Variants in PER3 observed in about 807,000 individuals in gnomAD.
PER3 encodes period circadian protein homolog 3.
PER3 carries 107 observed loss-of-function variants against 127.2 expected under a neutral mutation model. The observed-to-expected ratio is 0.84, with a 90% CI of 0.72 to 0.99. PER3 has a LOEUF of 0.99. Ranked by LOEUF, PER3 falls within the 50% of genes least tolerant of loss-of-function variation. The probability of loss-of-function intolerance (pLI) is 0.00; values close to 1 mark genes in which losing one functional copy is unlikely to be tolerated. For synonymous variants in PER3, 618 were observed against 585.8 expected (o/e 1.05, Z -0.79); for missense variants, 1,560 against 1,525.8 (o/e 1.02, Z -0.37).
At position 7,842,703 on chromosome 1, in the gene PER3, C is replaced by T. The variant is rs1251112250; in HGVS notation, c.3581C>T (p.Ala1194Val). ...GTCACTTGTGAAAATGAAGATTCAGCTGATGGTGCGGCCACATCCTGTGGT... is the reference window on the plus strand; with the variant it reads ...GTCACTTGTGAAAATGAAGATTCAGTTGATGGTGCGGCCACATCCTGTGGT... The part of the protein sequence containing the change: ...ACVTCENEDS[A>V]DGAATSCGQV... Residue 1194 changes from alanine to valine, a missense_variant, in exon 22 of 22, where the codon GCT (alanine) becomes GTT (valine). By Grantham distance (64) the Ala-to-Val change is moderately conservative. Transcript: ENST00000377532. The T allele has an allele frequency of 5.6e-6, 9 of 1,613,322 alleles. No individual in the cohort carries two copies. Among genetic ancestry groups the T allele is most frequent in the Non-Finnish European group, 5.9e-6 (7 of 1,179,528 alleles).
At chr1:7,796,305 T>G (rs1273829168) in intron 6 of PER3, among the ~76,000 whole-genome samples, 1 of 141,402 alleles carries the variant, frequency 7.1e-6, no homozygotes, top group Non-Finnish European at 1.5e-5. Context: ...GTAGGAAACG[T>G]TCATTTCAGT....
chr1:7,819,059 C>G (rs145475977), intron 13 of PER3, among the ~76,000 whole-genome samples: 375 of 152,302 alleles, frequency 2.5e-3, no homozygotes, highest in African/African-American at 8.7e-3. Context: ...TAAATACAAT[C>G]GTAGCCATTC....
intron 13 of PER3, among the ~76,000 whole-genome samples, chr1:7,815,741 T>C (rs2097245606): frequency 1.3e-5 from 2 of 151,826 alleles, no homozygotes; most frequent in South Asian, 4.1e-4. Context: ...ATCCCAGCAC[T>C]TTAGGGGGCC....
At chr1:7,832,903 A>T (rs146349401) in intron 19 of PER3, among the ~76,000 whole-genome samples, 5 of 148,612 alleles carry the variant, frequency 3.4e-5, no homozygotes, top group African/African-American at 1.0e-4. Context: ...CAGTGGCATG[A>T]TCCCAGCTCA....
In PER3 at chr1:7,807,256, T is replaced by C. The variant is rs537561609; in HGVS notation, c.1137-1637T>C. Among the ~76,000 whole-genome samples, 173 of 152,260 alleles carry C rather than the reference T, an allele frequency of 1.1e-3. 1 individual carries two copies. The highest frequency in any genetic ancestry group is 4.0e-3 in the African/African-American group (165 of 41,556). ...TCAGGTACTGCTTGCCACAGACATA[T>C]GGTGTACCTGACGCCATGCAGATAG... On this transcript the variant is annotated intron_variant, in intron 10 of 21. Transcript: ENST00000377532.
Position 7,784,723 on chromosome 1 carries a change from A to T in PER3, c.-155A>T, listed in dbSNP as rs971436344. 1 of 688,018 alleles carries T rather than the reference A, an allele frequency of 1.5e-6. No individual in the cohort carries two copies. The highest frequency in any genetic ancestry group is 1.9e-5 in the African/African-American group (1 of 52,980). The allele number at this position is 688,018 out of a possible 1,614,324, so 42.6% of individuals were successfully genotyped here. A position where few individuals can be genotyped will look rare whatever the true frequency, so the allele number is the denominator to read the frequency against. On this transcript the variant is annotated 5_prime_UTR_variant, in exon 2 of 22. An upstream open reading frame in the 5' UTR loses its in-frame stop. Transcript: ENST00000377532. ...TGGAGGGAAAAGCTCCTCGGAGATG[A>T]GCGTGACCCCCTGGCTCGTGGTGGC...
In PER3 at chr1:7,829,933, GC is replaced by G; in HGVS notation, c.2988del (p.Ser997AlafsTer10). 12 of 1,279,300 alleles carry G rather than the reference GC, an allele frequency of 9.4e-6. No individual in the cohort carries two copies. The highest frequency in any genetic ancestry group is 5.9e-5 in the East Asian group (1 of 16,906). 79.2% of individuals were successfully genotyped at this position (1,279,300 alleles called of 1,614,324 possible). On this transcript the variant is annotated frameshift_variant, in exon 19 of 22. Coordinates refer to ENST00000377532, the MANE Select transcript of PER3 (RefSeq NM_001377275.1). LOFTEE classifies it high-confidence loss of function. ...PPRENPSHPT[A>X]SALSTGSPPM... ...CAGGGAGAATCCATCCCATCCTACT[GC>G]CAGCGCTCTGTCCACAGGATCGCCT...
intron 6 of PER3, among the ~76,000 whole-genome samples, chr1:7,794,935 TAAG>T (rs1247992229): frequency 6.6e-6 from 1 of 151,736 alleles, no homozygotes. Flanking sequence ...TCTTTTGTAA[TAAG>T]AACAAATATT....
chr1:7,825,721 G>A (rs1558455856), intron 16 of PER3, among the ~76,000 whole-genome samples: 1 of 152,090 alleles, frequency 6.6e-6, no homozygotes, highest in Non-Finnish European at 1.5e-5. Flanking sequence ...GTGAAACCCT[G>A]TCTCTACTAA....
At chr1:7,816,546 A>G (rs1024806377) in intron 13 of PER3, among the ~76,000 whole-genome samples, 1 of 152,214 alleles carries the variant, frequency 6.6e-6, no homozygotes, top group Non-Finnish European at 1.5e-5. Context: ...TTTTCCAAAG[A>G]AGATACATAA....
Position 7,826,377 on chromosome 1 carries a change from TATA to T in PER3, c.1958-97_1958-95del, listed in dbSNP as rs548820832. On this transcript the variant is annotated intron_variant, in intron 16 of 21. Transcript: ENST00000377532. The surrounding 1 kb of genome is among the most constrained non-coding windows in gnomAD (Gnocchi z 4.2). ...TGAAGATTTTTCGTATTCCAGCAGT[TATA>T]ATAATGTTTGTAAAAATGTATCAAA... 4.8e-4 allele frequency: 328 copies of T among 684,468 alleles called. No homozygotes were observed. The East Asian group carries it at 8.8e-3, about 18-fold the overall frequency. 42.4% of individuals were successfully genotyped at this position (684,468 alleles called of 1,614,324 possible). A position where few individuals can be genotyped will look rare whatever the true frequency, so the allele number is the denominator to read the frequency against.
rs1024961918 is a variant in PER3, at chr1:7,827,670, A to G, written c.2741A>G (p.Lys914Arg). 5.6e-6 allele frequency: 9 copies of G among 1,614,066 alleles called. No individual in the cohort carries two copies. Among genetic ancestry groups the G allele is most frequent in the Non-Finnish European group, 7.6e-6 (9 of 1,180,040 alleles). The part of the protein sequence containing the change: ...SVTSQRREEE[K>R]WEAQSEGHPF... ...ACCAGCCAAAGGAGAGAGGAGGAAA[A>G]GTGGGAGGCACAAAGCGAGGGGCAC... is the stretch of plus-strand genomic sequence containing the variant. Residue 914 changes from lysine (K) to arginine (R), a missense_variant, in exon 18 of 22, where the codon AAG becomes AGG. Transcript: ENST00000377532.
intron 5 of PER3, 121 bp downstream of exon 5, chr1:7,788,367 C>T (rs913870834): frequency 5.7e-6 from 4 of 701,754 alleles, no homozygotes; most frequent in Admixed American, 5.6e-5. Context: ...TTTTCTTATT[C>T]CTGTTATAGA....
intron 6 of PER3, among the ~76,000 whole-genome samples, chr1:7,794,290 C>A (rs529787079): frequency 1.3e-5 from 2 of 152,094 alleles, no homozygotes; most frequent in East Asian, 3.9e-4. Context: ...GTCAAGGGGT[C>A]GAGAACATCC....
rs1251898281 is a variant in PER3, at chr1:7,795,127, C to T, written c.644+1119C>T. On this transcript the variant is annotated intron_variant, in intron 6 of 21. Transcript: ENST00000377532. ...GGGGACGGCCTGAGAAAGGGCACAG[C>T]GGTGGGAGGGGCTGTCTTGTTCCAG... 2.6e-5 allele frequency among the ~76,000 whole-genome samples: 4 copies of T among 152,066 alleles called. No homozygotes were observed. In the East Asian group the frequency reaches 5.8e-4, roughly 22 times the overall value.
chr1:7,811,091 C>G (rs964201143), intron 13 of PER3, among the ~76,000 whole-genome samples: 2 of 152,172 alleles, frequency 1.3e-5, no homozygotes, highest in Non-Finnish European at 2.9e-5. Context: ...AGTAGTAAAA[C>G]TGGCATCATA....
At chr1:7,809,020 T>C in intron 11 of PER3, 22 bp downstream of exon 11, 1 of 1,156,654 alleles carries the variant, frequency 8.6e-7, no homozygotes, top group Non-Finnish European at 1.3e-6. Context: ...TTGTTAAAAA[T>C]GCAAAGTTCC....
chr1:7,827,919 C>T lies in PER3; in HGVS notation c.2886+104C>T, dbSNP rs548778616. 1.5e-4 allele frequency: 122 copies of T among 812,206 alleles called. 2 individuals carry two copies. The South Asian group carries it at 1.9e-3, about 13-fold the overall frequency. 50.3% of individuals were successfully genotyped at this position (812,206 alleles called of 1,614,324 possible). A position where few individuals can be genotyped will look rare whatever the true frequency, so the allele number is the denominator to read the frequency against. On this transcript the variant is annotated intron_variant, in intron 18 of 21. Transcript: ENST00000377532. ...GTGCTGACATTCTCAGTAGGTAATCCGCGTGGCTACTGTGAGTGAGCCTGT... is the reference window on the plus strand; with the variant it reads ...GTGCTGACATTCTCAGTAGGTAATCTGCGTGGCTACTGTGAGTGAGCCTGT...
chr1:7,842,839 C>T lies in PER3; in HGVS notation c.*84C>T. ...TTTAAGTCCTGGACTTTTAAATGAC[C>T]ATGAAGTTATCATTGAATGTTAAGA... On this transcript the variant is annotated 3_prime_UTR_variant, in exon 22 of 22. Coordinates refer to ENST00000377532, the MANE Select transcript of PER3 (RefSeq NM_001377275.1). The T allele has an allele frequency of 9.0e-7, 1 of 1,105,944 alleles. No homozygotes were observed. The highest frequency in any genetic ancestry group is 1.8e-5 in the South Asian group (1 of 55,678). The allele number at this position is 1,105,944 out of a possible 1,614,324, so 68.5% of individuals were successfully genotyped here. A position where few individuals can be genotyped will look rare whatever the true frequency, so the allele number is the denominator to read the frequency against.
Sources: gnomAD v4.1 joint callset for allele counts (sites outside exome capture counted in the v4.1 genomes callset) on GRCh38, gnomAD v4.1.1 for gene constraint, Gnocchi (gnomAD v3.1) non-coding constraint, MANE v1.5 for transcripts, NCBI Gene and HGNC (gene_info 2026-07-23, HGNC 2026-07-21) for gene names.